Variants in STAC3 observed in about 807,000 individuals in gnomAD.
STAC3 encodes the protein SH3 and cysteine rich domain 3.
A neutral mutation model predicts 48.5 loss-of-function variants in STAC3; 30 were observed. That is an observed-to-expected ratio of 0.62 (90% CI 0.46 to 0.84). The LOEUF (loss-of-function observed/expected upper bound fraction) is 0.84, where lower values mean the gene tolerates loss of function less well. Ranked by LOEUF, STAC3 falls within the 40% of genes least tolerant of loss-of-function variation. STAC3 has a pLI of 0.00. For synonymous variants in STAC3, 144 were observed against 158.6 expected (o/e 0.91, Z 0.69); for missense variants, 419 against 462.6 (o/e 0.91, Z 0.86).
In STAC3 at chr12:57,248,981, C is replaced by A. The variant is rs915423488; in HGVS notation, c.334+60G>T. On this transcript the variant is annotated intron_variant, in intron 3 of 11. Transcript: ENST00000332782. Reference sequence around the variant, plus strand: ...CTGCTACAAATACTCCTCTCCTATGCCCTCTCCCCAAACCTCTGCCTTCAA... The same window carrying A: ...CTGCTACAAATACTCCTCTCCTATGACCTCTCCCCAAACCTCTGCCTTCAA... 21 of 1,561,926 alleles carry A rather than the reference C, an allele frequency of 1.3e-5. No individual in the cohort carries two copies. In the African/African-American group the frequency reaches 2.3e-4, roughly 17 times the overall value.
At chr12:57,244,743 C>G in intron 8 of STAC3, 121 bp from the exon 9 acceptor site, 15 of 1,415,936 alleles carry the variant, frequency 1.1e-5, no homozygotes, top group Non-Finnish European at 1.4e-5. Flanking sequence ...GGTCCCTGAA[C>G]TGAGAGAAGT....
chr12:57,244,243 G>C lies in STAC3; in HGVS notation c.859-18C>G, dbSNP rs936965730. ...ATTTTCCCCTAGGGAAGATAGTAGG[G>C]AGAGTCCATCTCTCAATGTCGGGTT... On this transcript the variant is annotated intron_variant, in intron 10 of 11. Coordinates refer to ENST00000332782, the MANE Select transcript of STAC3 (RefSeq NM_145064.3). The C allele has an allele frequency of 1.9e-5, 31 of 1,614,090 alleles. No homozygotes were observed. Among genetic ancestry groups the C allele is most frequent in the Admixed American group, 8.3e-5 (5 of 60,012 alleles).
At chr12:57,249,019 T>A (rs753581914) in intron 3 of STAC3, 22 bp downstream of exon 3, 1 of 1,573,138 alleles carries the variant, frequency 6.4e-7, no homozygotes, top group African/African-American at 1.4e-5. Context: ...TCATACTCTC[T>A]TCACTTCCCT....
chr12:57,244,459 C>T lies in STAC3; in HGVS notation c.806+78G>A, dbSNP rs968487234. The T allele has an allele frequency of 1.8e-5, 29 of 1,612,192 alleles. No individual in the cohort carries two copies. In the African/African-American group the frequency reaches 3.5e-4, roughly 19 times the overall value. ...ATAGGCTCCAAGCCCTGAGTCCCCC[C>T]TTTTCCTTTCCCTTGGGGGAACCCA... On this transcript the variant is annotated intron_variant, in intron 9 of 11. Transcript: ENST00000332782.
chr12:57,244,421 G>C lies in STAC3; in HGVS notation c.807-55C>G. 2.5e-6 allele frequency: 4 copies of C among 1,613,164 alleles called. No homozygotes were observed. In the Admixed American group the frequency reaches 5.0e-5, roughly 20 times the overall value. ...CATAGCAGGTCCCCTGCTGTGCCCC[G>C]GGTCCAGCATCAATAGGCTCCAAGC... On this transcript the variant is annotated intron_variant, in intron 9 of 11. Coordinates refer to ENST00000332782, the MANE Select transcript of STAC3 (RefSeq NM_145064.3).
At position 57,244,304 on chromosome 12, in the gene STAC3, A is replaced by G. The variant is rs2037679115; in HGVS notation, c.858+11T>C. On this transcript the variant is annotated intron_variant, in intron 10 of 11. Transcript: ENST00000332782. ...CCCACACTCCACCCTAGCCCTAGCCATTTCTCTCACCCGCCACCATTCTTC... is the reference window on the plus strand; with the variant it reads ...CCCACACTCCACCCTAGCCCTAGCCGTTTCTCTCACCCGCCACCATTCTTC... 2 of 1,613,652 alleles carry G rather than the reference A, an allele frequency of 1.2e-6. No homozygotes were observed. Among genetic ancestry groups the G allele is most frequent in the African/African-American group, 1.3e-5 (1 of 74,970 alleles).
Position 57,249,146 on chromosome 12 carries a change from GCTC to G in STAC3, c.226_228del (p.Glu76del), listed in dbSNP as rs781007752. 1.5e-4 allele frequency: 246 copies of G among 1,613,700 alleles called. No homozygotes were observed. Among genetic ancestry groups the G allele is most frequent in the African/African-American group, 7.3e-4 (55 of 74,984 alleles). On this transcript the variant is annotated inframe_deletion, in exon 3 of 12. Transcript: ENST00000332782. ...ACCAGCTTAGGAGGTTCTGGGGGTG[GCTC>G]CTCCTCCTCCTCTTCTTCCTCTTCC...
chr12:57,250,389 CAAAAAAAAAAAAAAAAA>C, intron 1 of STAC3, among the ~76,000 whole-genome samples: 1 of 42,390 alleles, frequency 2.4e-5, no homozygotes, highest in East Asian at 7.7e-4. Flanking sequence ...GACTTCGTCT[CAAAAAAAAAAAAAAAAA>C]AAAAAAAAAA....
chr12:57,244,717 C>G (rs1167232863), intron 8 of STAC3, 95 bp from the exon 9 acceptor site: 26 of 1,473,816 alleles, frequency 1.8e-5, no homozygotes, highest in Non-Finnish European at 2.2e-5. Context: ...ACACTCTACA[C>G]TCCAACTCTC....
At chr12:57,249,680 T>A in intron 1 of STAC3, 43 bp from the exon 2 acceptor site, 1 of 1,607,330 alleles carries the variant, frequency 6.2e-7, no homozygotes, top group Non-Finnish European at 8.5e-7. Context: ...ATCCCTTTCA[T>A]TCTTCTCTCC....
chr12:57,243,920 T>G lies in STAC3; in HGVS notation c.997-10A>C. On this transcript the variant is annotated splice_polypyrimidine_tract_variant and intron_variant, in intron 11 of 11. Transcript: ENST00000332782. ...CTTTCTGCACCACGATCTAGAAGAT[T>G]AAAGGATCAGAAGTAGGAGAGGAAT... 1 of 1,613,436 alleles carries G rather than the reference T, an allele frequency of 6.2e-7. No individual in the cohort carries two copies.
intron 5 of STAC3, among the ~76,000 whole-genome samples, chr12:57,247,231 A>C (rs2037762624): frequency 6.6e-6 from 1 of 152,074 alleles, no homozygotes; most frequent in Non-Finnish European, 1.5e-5. Flanking sequence ...TCTCCTTCTA[A>C]GGAGAATGGG....
chr12:57,248,661 C>CCACGCGTGGTGGCT, intron 4 of STAC3, 45 bp downstream of exon 4: 1 of 1,498,368 alleles, frequency 6.7e-7, no homozygotes, highest in Non-Finnish European at 9.3e-7. Flanking sequence ...GCGTGAGCCA[C>CCACGCGTGGTGGCT]CACGCGTGGC....
chr12:57,247,656 CTCG>C (rs1391378104), intron 5 of STAC3, among the ~76,000 whole-genome samples: 2 of 151,872 alleles, frequency 1.3e-5, no homozygotes, highest in African/African-American at 2.4e-5. Flanking sequence ...ATCTCCTGAC[CTCG>C]TGATCCACCC....
chr12:57,244,143 G>T lies in STAC3; in HGVS notation c.941C>A (p.Thr314Lys). ...CTCGCGGTTCCCCACGAAGGATCTC[G>T]TCACGCGGTGCACACGTTCTCCAGC... ...VRAGERVHRV[T>K]RSFVGNREIG... Residue 314 changes from threonine (T) to lysine (K), a missense_variant, in exon 11 of 12, where the codon ACG becomes AAG. Thr to Lys is a moderately conservative substitution (Grantham distance 78). Coordinates refer to ENST00000332782, the MANE Select transcript of STAC3 (RefSeq NM_145064.3). 6.2e-7 allele frequency: 1 copy of T among 1,614,126 alleles called. No homozygotes were observed. The highest frequency in any genetic ancestry group is 8.5e-7 in the Non-Finnish European group (1 of 1,180,022).
rs988520599 is a variant in STAC3 at position 57,243,860 on chromosome 12, G to A, written c.1047C>T (p.Thr349=). The change falls in exon 12 of 12, where the codon ACC becomes ACT. Residue 349 remains threonine, a synonymous_variant. Coordinates refer to ENST00000332782, the MANE Select transcript of STAC3 (RefSeq NM_145064.3). ...TGGGAAACAGCCCCACCTTGCGGCCGGTGTAGACCTTGACGTAGCCGCCCG... is the reference window on the plus strand; with the variant it reads ...TGGGAAACAGCCCCACCTTGCGGCCAGTGTAGACCTTGACGTAGCCGCCCG... ...DEAGGYVKVY[T]GRKVGLFPTD... 18 of 1,613,990 alleles carry A rather than the reference G, an allele frequency of 1.1e-5. No individual in the cohort carries two copies. Among genetic ancestry groups the A allele is most frequent in the Non-Finnish European group, 1.5e-5 (18 of 1,180,030 alleles).
chr12:57,248,073 T>C (rs916291642), intron 5 of STAC3, 53 bp downstream of exon 5: 57 of 1,519,312 alleles, frequency 3.8e-5, no homozygotes, highest in African/African-American at 5.5e-5. Flanking sequence ...AGAGATGGCA[T>C]GAAACCATCT....
chr12:57,247,939 C>T (rs1037469328), intron 5 of STAC3, among the ~76,000 whole-genome samples, 187 bp downstream of exon 5: 1 of 152,182 alleles, frequency 6.6e-6, no homozygotes, highest in Non-Finnish European at 1.5e-5. Flanking sequence ...GCAACTAAAT[C>T]GTATCTCCCT....
At chr12:57,244,690 G>C in intron 8 of STAC3, 68 bp from the exon 9 acceptor site, 2 of 1,567,418 alleles carry the variant, frequency 1.3e-6, no homozygotes. Context: ...GGATTCCAAG[G>C]CAGGGACATT....
Sources: allele counts gnomAD v4.1 joint callset (sites outside exome capture counted in the v4.1 genomes callset), GRCh38; gene constraint gnomAD v4.1.1; transcripts MANE v1.5; gene names NCBI Gene and HGNC (gene_info 2026-07-23, HGNC 2026-07-21).